LRRC18: variants seen among roughly 807,000 people sequenced by gnomAD.
The protein encoded by LRRC18 is leucine-rich repeat-containing protein 18.
In LRRC18, 12 loss-of-function variants were observed where a neutral mutation model predicts 11.2. The ratio of observed to expected loss-of-function variants is 1.07; its 90% CI spans 0.69 to 1.74. The LOEUF (loss-of-function observed/expected upper bound fraction) is 1.74. Ranked by LOEUF, LRRC18 falls within the 40% of genes most tolerant of loss-of-function variation. The pLI is 0.00. For missense variants in LRRC18, 374 were observed against 330.5 expected (o/e 1.13, Z -1.02); for synonymous variants, 155 against 130.6 (o/e 1.19, Z -1.27).
At chr10:48,937,445 T>C in the LRRC18 span, among the ~76,000 whole-genome samples, 120 of 152,278 alleles carry the variant, frequency 7.9e-4, no homozygotes, top group African/African-American at 2.8e-3. Context: ...AGCGTGTCGG[T>C]GTTTATGCTG....
At chr10:48,928,267 T>A in the LRRC18 span, among the ~76,000 whole-genome samples, 1 of 152,004 alleles carries the variant, frequency 6.6e-6, no homozygotes, top group Non-Finnish European at 1.5e-5. Context: ...AGCTTCAGCC[T>A]GAACTCCTGT....
the LRRC18 span, among the ~76,000 whole-genome samples, chr10:48,928,353 CGTGTGTGTGTGTGTGTGT>C: frequency 0.019 from 2,400 of 125,042 alleles, 40 homozygotes; most frequent in Admixed American, 0.025. Context: ...TTGGTTTTGA[CGTGTGTGTGTGTGTGTGT>C]GTGTGTGTGT....
At chr10:48,923,573 A>G in the LRRC18 span, among the ~76,000 whole-genome samples, 1 of 148,028 alleles carries the variant, frequency 6.8e-6, no homozygotes, top group Non-Finnish European at 1.5e-5. Flanking sequence ...GGGCCTAAAC[A>G]ATCAGTAAAT....
At chr10:48,925,304 G>A in the LRRC18 span, among the ~76,000 whole-genome samples, 2 of 152,110 alleles carry the variant, frequency 1.3e-5, no homozygotes, top group Non-Finnish European at 2.9e-5. Context: ...AGGCGGGGCT[G>A]TATCTTCACA....
At chr10:48,922,646 A>G in the LRRC18 span, among the ~76,000 whole-genome samples, 1 of 152,338 alleles carries the variant, frequency 6.6e-6, no homozygotes, top group African/African-American at 2.4e-5. Flanking sequence ...GGTTTCAGGT[A>G]TTCAATGGGG....
exon 1 of LRRC18, chr10:48,913,836 C>T (rs779947795): frequency 3.2e-5 from 52 of 1,613,884 alleles, no homozygotes; most frequent in Non-Finnish European, 1.4e-5. Flanking sequence ...GCTGGTCAGC[C>T]GGTTGTTGCT....
At chr10:48,935,903 C>CT in the LRRC18 span, among the ~76,000 whole-genome samples, 76,677 of 149,274 alleles carry the variant, frequency 0.51, 20,824 homozygotes, top group African/African-American at 0.71. Context: ...CATCTATGGT[C>CT]TTTTTTTTTT....
chr10:48,930,886 T>G, the LRRC18 span, among the ~76,000 whole-genome samples: 470 of 152,300 alleles, frequency 3.1e-3, 4 homozygotes, highest in African/African-American at 0.011. Flanking sequence ...CTGTGTTCTC[T>G]GGCACACATG....
chr10:48,919,582 C>A, the LRRC18 span, among the ~76,000 whole-genome samples: 1 of 152,214 alleles, frequency 6.6e-6, no homozygotes. Context: ...AAGTCACTGG[C>A]AGATTTGCCA....
intron 1 of LRRC18, among the ~76,000 whole-genome samples, chr10:48,911,869 T>TAGGGTA (rs550072403): frequency 1.1e-3 from 168 of 152,278 alleles, no homozygotes; most frequent in African/African-American, 3.9e-3. Context: ...AGAAATATGA[T>TAGGGTA]AGGGTTGTCA....
chr10:48,933,697 C>T, the LRRC18 span, among the ~76,000 whole-genome samples: 5 of 152,130 alleles, frequency 3.3e-5, no homozygotes, highest in African/African-American at 9.7e-5. Context: ...AGCTCAGAAA[C>T]TGAAAAATTG....
chr10:48,921,617 C>T, the LRRC18 span, among the ~76,000 whole-genome samples: 3 of 147,566 alleles, frequency 2.0e-5, no homozygotes, highest in Admixed American at 1.4e-4. Context: ...AAAAAAAAAA[C>T]GTTGAGCATG....
chr10:48,932,182 G>A, the LRRC18 span, among the ~76,000 whole-genome samples: 1 of 152,170 alleles, frequency 6.6e-6, no homozygotes, highest in Admixed American at 6.5e-5. Flanking sequence ...AGTGTTCAGT[G>A]GGCACTCAAC....
At chr10:48,936,902 C>T in the LRRC18 span, among the ~76,000 whole-genome samples, 1 of 146,864 alleles carries the variant, frequency 6.8e-6, no homozygotes, top group African/African-American at 2.5e-5. Context: ...CTGGCAGTAA[C>T]TTTGTATTGT....
At chr10:48,923,385 T>A in the LRRC18 span, among the ~76,000 whole-genome samples, 7 of 151,778 alleles carry the variant, frequency 4.6e-5, no homozygotes, top group Non-Finnish European at 8.8e-5. Flanking sequence ...TATGCACTCA[T>A]CTGATGTTTA....
chr10:48,933,366 C>T, the LRRC18 span, among the ~76,000 whole-genome samples: 1 of 152,206 alleles, frequency 6.6e-6, no homozygotes, highest in East Asian at 1.9e-4. Context: ...AAGGCGCATG[C>T]CTCGACTGGA....
upstream of LRRC18, among the ~76,000 whole-genome samples, chr10:48,917,536 G>T (rs1838662946): frequency 6.6e-6 from 1 of 152,236 alleles, no homozygotes. Flanking sequence ...ACAGCAATAG[G>T]AATGACTGCA....
At chr10:48,923,678 AC>A in the LRRC18 span, among the ~76,000 whole-genome samples, 1 of 151,712 alleles carries the variant, frequency 6.6e-6, no homozygotes, top group Non-Finnish European at 1.5e-5. Context: ...CCATTTATCA[AC>A]CCTCTGAGCA....
In LRRC18 at chr10:48,913,678, G is replaced by C. The variant is rs781400076; in HGVS notation, c.478C>G (p.Pro160Ala). The stretch of plus-strand genomic sequence containing the variant: ...TTGGGGAGCTTGGAGATGCTCACGG[G>C]GATGTTGTTCAGTAGGTTGTCATGG... Residue 160 changes from proline (P) to alanine (A), a missense_variant, in exon 1 of 2, where the codon CCC (proline) becomes GCC (alanine). Coordinates refer to ENST00000374160, the Ensembl canonical transcript of LRRC18. The C allele has an allele frequency of 4.3e-6, 7 of 1,613,300 alleles. No individual in the cohort carries two copies. In the South Asian group the frequency reaches 6.6e-5, roughly 15 times the overall value.
Sources: gnomAD v4.1 joint callset for allele counts (sites outside exome capture counted in the v4.1 genomes callset) on GRCh38, gnomAD v4.1.1 for gene constraint, MANE v1.5 for transcripts, NCBI Gene and HGNC (gene_info 2026-07-23, HGNC 2026-07-21) for gene names.